LUZP2: variants seen among roughly 807,000 people sequenced by gnomAD.
The protein encoded by LUZP2 is leucine zipper protein 2.
LUZP2 carries 52 observed loss-of-function variants against 51.6 expected under a neutral mutation model. That is an observed-to-expected ratio of 1.01 (90% CI 0.81 to 1.27). The LOEUF is 1.27. LUZP2 is among the 50% of genes most tolerant of loss of function. The pLI, the probability that LUZP2 is intolerant of heterozygous loss-of-function variation, is 0.00. For synonymous variants in LUZP2, 154 were observed against 137.3 expected, an observed-to-expected ratio of 1.12 and a Z score of -0.85; for missense variants, 436 against 395.4, an observed-to-expected ratio of 1.10 and a Z score of -0.87.
chr11:24,676,582 G>C (rs549678382), intron 1 of LUZP2, among the ~76,000 whole-genome samples: 1 of 152,172 alleles, frequency 6.6e-6, no homozygotes, highest in South Asian at 2.1e-4. Context: ...TGCAGAAATG[G>C]CACTAAACTT....
At chr11:24,962,207 A>T (rs1478249550) in intron 7 of LUZP2, among the ~76,000 whole-genome samples, 1 of 151,796 alleles carries the variant, frequency 6.6e-6, no homozygotes, top group Non-Finnish European at 1.5e-5. Context: ...AACTTTTGGG[A>T]ATTTGACATT....
At chr11:24,943,163 A>C (rs1224786325) in intron 7 of LUZP2, among the ~76,000 whole-genome samples, 1 of 152,174 alleles carries the variant, frequency 6.6e-6, no homozygotes, top group African/African-American at 2.4e-5. Flanking sequence ...TGAATATGAC[A>C]TGTAAAAAAA....
At chr11:24,970,984 T>C (rs907869753) in intron 7 of LUZP2, among the ~76,000 whole-genome samples, 1 of 152,200 alleles carries the variant, frequency 6.6e-6, no homozygotes, top group Non-Finnish European at 1.5e-5. Flanking sequence ...AATGAAATTA[T>C]GTCCTTTGCA....
chr11:24,529,135 T>C (rs1850914627), intron 1 of LUZP2, among the ~76,000 whole-genome samples: 1 of 151,062 alleles, frequency 6.6e-6, no homozygotes, highest in Admixed American at 6.6e-5. Flanking sequence ...AGTGTGTATT[T>C]GTTTATTGAT....
chr11:25,045,997 C>T (rs957838951), intron 9 of LUZP2, among the ~76,000 whole-genome samples: 1 of 152,090 alleles, frequency 6.6e-6, no homozygotes, highest in Non-Finnish European at 1.5e-5. Context: ...GATTGGGACA[C>T]ATGAATCACA....
chr11:24,832,724 T>C (rs1321188399), intron 5 of LUZP2, among the ~76,000 whole-genome samples: 1 of 152,018 alleles, frequency 6.6e-6, no homozygotes, highest in Non-Finnish European at 1.5e-5. Context: ...TAAAAATGCC[T>C]TACTGTAAGT....
intron 5 of LUZP2, among the ~76,000 whole-genome samples, chr11:24,884,072 G>A (rs1447061180): frequency 6.6e-6 from 1 of 152,006 alleles, no homozygotes; most frequent in Non-Finnish European, 1.5e-5. Context: ...ATCTTTAGGA[G>A]TAATTACAGG....
rs116075777 is a variant in LUZP2, at chr11:24,703,418, A to G, written c.63-25751A>G. Among the ~76,000 whole-genome samples, 685 of 152,304 alleles carry G rather than the reference A, an allele frequency of 4.5e-3. 7 individuals carry two copies. The highest frequency in any genetic ancestry group is 0.016 in the African/African-American group (650 of 41,578). On this transcript the variant is annotated intron_variant, in intron 1 of 11. Coordinates refer to ENST00000336930, the MANE Select transcript of LUZP2 (RefSeq NM_001009909.4). The stretch of plus-strand genomic sequence containing the variant: ...AAGTGATGTGGAGTTTGGAAGGGAA[A>G]CGTCAAGCCTGAATAGCCTGATTTT...
At chr11:24,528,917 G>C (rs187403680) in intron 1 of LUZP2, among the ~76,000 whole-genome samples, 7 of 151,218 alleles carry the variant, frequency 4.6e-5, no homozygotes, top group Admixed American at 4.0e-4. Context: ...ATTGAGTTTA[G>C]TATTATACAC....
At chr11:24,555,189 G>A (rs1039185415) in intron 1 of LUZP2, among the ~76,000 whole-genome samples, 4 of 152,086 alleles carry the variant, frequency 2.6e-5, no homozygotes, top group Non-Finnish European at 5.9e-5. Context: ...GAATATGGGA[G>A]ATTTAGAAGC....
At chr11:24,519,422 C>A (rs1162288419) in intron 1 of LUZP2, among the ~76,000 whole-genome samples, 1 of 152,086 alleles carries the variant, frequency 6.6e-6, no homozygotes, top group Non-Finnish European at 1.5e-5. Context: ...AGATTCATTC[C>A]TTGAGATTTT....
intron 4 of LUZP2, among the ~76,000 whole-genome samples, chr11:24,740,517 G>A (rs1295608064): frequency 1.3e-5 from 2 of 152,062 alleles, no homozygotes; most frequent in Non-Finnish European, 2.9e-5. Flanking sequence ...CTTAATATGT[G>A]CTTCAGAGTA....
intron 1 of LUZP2, among the ~76,000 whole-genome samples, chr11:24,533,737 C>T (rs1851084355): frequency 6.6e-6 from 1 of 151,142 alleles, no homozygotes; most frequent in Non-Finnish European, 1.5e-5. Context: ...AGTTCTTGTG[C>T]TGCCACTTAC....
At chr11:24,841,442 G>C (rs1176795349) in intron 5 of LUZP2, among the ~76,000 whole-genome samples, 2 of 152,042 alleles carry the variant, frequency 1.3e-5, no homozygotes. Context: ...ACTAGGTCAG[G>C]TGGTAAGGGT....
At chr11:24,858,424 C>G (rs1175754693) in intron 5 of LUZP2, among the ~76,000 whole-genome samples, 1 of 152,096 alleles carries the variant, frequency 6.6e-6, no homozygotes, top group Non-Finnish European at 1.5e-5. Context: ...ACCCAAGTAA[C>G]TTACTTGGAC....
intron 10 of LUZP2, 115 bp downstream of exon 10, chr11:25,050,245 T>A: frequency 2.9e-6 from 1 of 349,614 alleles, no homozygotes; most frequent in Non-Finnish European, 5.2e-6. Context: ...ATCTACTATC[T>A]AAGGATTGTA....
intron 5 of LUZP2, among the ~76,000 whole-genome samples, chr11:24,878,266 GA>G (rs1852341035): frequency 6.6e-6 from 1 of 151,932 alleles, no homozygotes; most frequent in African/African-American, 2.4e-5. Flanking sequence ...ATTTGTCTGG[GA>G]AAGTCTTTAT....
intron 5 of LUZP2, among the ~76,000 whole-genome samples, chr11:24,902,025 C>T (rs7394985): frequency 1.3e-5 from 2 of 151,800 alleles, no homozygotes; most frequent in Non-Finnish European, 2.9e-5. Flanking sequence ...TAATATTTGC[C>T]GCTTTATTTG....
At chr11:24,972,807 G>A (rs901424908) in intron 7 of LUZP2, among the ~76,000 whole-genome samples, 4 of 149,454 alleles carry the variant, frequency 2.7e-5, no homozygotes, top group Non-Finnish European at 5.9e-5. Flanking sequence ...CCTTTTTGAT[G>A]TGCTGCTGGA....
Sources: allele counts gnomAD v4.1 joint callset (sites outside exome capture counted in the v4.1 genomes callset), GRCh38; gene constraint gnomAD v4.1.1; transcripts MANE v1.5; gene names NCBI Gene and HGNC (gene_info 2026-07-23, HGNC 2026-07-21).